REPS2: variants seen among roughly 807,000 people sequenced by gnomAD.
REPS2 encodes the protein ralBP1-associated Eps domain-containing protein 2.
REPS2 carries 23 observed loss-of-function variants against 53.6 expected under a neutral mutation model. That is an observed-to-expected ratio of 0.43 (90% CI 0.31 to 0.61). The LOEUF (loss-of-function observed/expected upper bound fraction) is 0.61, where lower values mean the gene tolerates loss of function less well. Among genes scored for constraint, REPS2 ranks in the 20% least tolerant of loss-of-function variants. REPS2 has a pLI of 0.11. For missense variants in REPS2, 446 were observed against 534.9 expected (o/e 0.83, Z 1.64); for synonymous variants, 238 against 218.6 (o/e 1.09, Z -0.78).
At position 17,149,094 on chromosome X, in the gene REPS2, G is replaced by C; in HGVS notation, c.*1613G>C. On this transcript the variant is annotated 3_prime_UTR_variant, in exon 18 of 18. Coordinates refer to ENST00000357277, the MANE Select transcript of REPS2 (RefSeq NM_004726.3). ...TTGAATCTATTCCGTGCATATTTAA[G>C]GATTTTGAATTGATTTTGAAAATCA... is the stretch of plus-strand genomic sequence containing the variant. The C allele has an allele frequency of 3.5e-6, 1 of 283,137 alleles. No homozygotes were observed. The highest frequency in any genetic ancestry group is 6.8e-6 in the Non-Finnish European group (1 of 147,432). 23.3% of individuals were successfully genotyped at this position (283,137 alleles called of 1,213,427 possible).
chrX:16,999,288 T>C (rs1320941681), intron 1 of REPS2, among the ~76,000 whole-genome samples: 2 of 111,549 alleles, frequency 1.8e-5, no homozygotes, highest in African/African-American at 6.5e-5. Context: ...GATCAAAAGG[T>C]AAATTGTAAT....
chrX:17,038,003 C>A (rs2061787200), intron 5 of REPS2, among the ~76,000 whole-genome samples: 1 of 111,710 alleles, frequency 9.0e-6, no homozygotes, highest in African/African-American at 3.3e-5. Context: ...GTCCTCCCAA[C>A]AATCTCACAA....
rs1045784139 is a variant in REPS2 at position 17,151,060 on chromosome X, G to C, written c.*3579G>C. 3 of 112,347 alleles carry C rather than the reference G, an allele frequency of 2.7e-5. No homozygotes were observed. Among genetic ancestry groups the C allele is most frequent in the Admixed American group, 9.5e-5 (1 of 10,546 alleles). The allele number at this position is 112,347 out of a possible 1,213,427, so 9.3% of individuals were successfully genotyped here. A position where few individuals can be genotyped will look rare whatever the true frequency, so the allele number is the denominator to read the frequency against. ...CTTTTATGATGCAATAAGTTACTCT[G>C]AGTTTCTTGGCAGAGTTTTTGACAG... On this transcript the variant is annotated 3_prime_UTR_variant, in exon 18 of 18. Transcript: ENST00000357277.
chrX:17,167,762 C>A, the REPS2 span, among the ~76,000 whole-genome samples: 1 of 109,309 alleles, frequency 9.1e-6, no homozygotes, highest in Non-Finnish European at 1.9e-5. Context: ...ACGCAGCCAA[C>A]AAAACTGACA....
At chrX:17,182,143 TA>T in the REPS2 span, among the ~76,000 whole-genome samples, 33 of 42,601 alleles carry the variant, frequency 7.7e-4, no homozygotes, top group Non-Finnish European at 7.2e-4. Context: ...TCTATCTGTC[TA>T]TCTATCTATC....
intron 13 of REPS2, among the ~76,000 whole-genome samples, chrX:17,101,268 T>C (rs2062796177): frequency 9.1e-6 from 1 of 109,559 alleles, no homozygotes. Context: ...TTCACTGTGT[T>C]AGCCAGGATG....
chrX:16,950,705 A>C (rs1360097252), intron 1 of REPS2, among the ~76,000 whole-genome samples: 1 of 112,732 alleles, frequency 8.9e-6, no homozygotes, highest in Non-Finnish European at 1.9e-5. Context: ...ATGTTTTTAC[A>C]CTTCAGAGTT....
chrX:17,175,374 A>C, the REPS2 span, among the ~76,000 whole-genome samples: 3 of 112,753 alleles, frequency 2.7e-5, no homozygotes, highest in South Asian at 3.7e-4. Flanking sequence ...ACAGATAAAG[A>C]AGCTGAGCCG....
chrX:17,068,206 C>T (rs923737125), intron 9 of REPS2, among the ~76,000 whole-genome samples, 196 bp from the exon 10 acceptor site: 2 of 109,322 alleles, frequency 1.8e-5, no homozygotes, highest in Non-Finnish European at 1.9e-5. Context: ...CCCAGCTACT[C>T]GGGAGGCTGA....
intron 2 of REPS2, among the ~76,000 whole-genome samples, chrX:17,013,377 C>T: frequency 9.0e-6 from 1 of 111,504 alleles, no homozygotes; most frequent in Middle Eastern, 4.7e-3. Flanking sequence ...GCATTGAGTC[C>T]TATTTCTGTG....
chrX:17,136,524 C>T (rs1375209119), intron 16 of REPS2: 2 of 111,724 alleles, frequency 1.8e-5, no homozygotes, highest in African/African-American at 6.5e-5. Context: ...ACTTTAATTT[C>T]AGCTTTATGT....
chrX:17,012,446 T>C (rs2061441602), intron 2 of REPS2, among the ~76,000 whole-genome samples: 1 of 111,983 alleles, frequency 8.9e-6, no homozygotes, highest in Non-Finnish European at 1.9e-5. Flanking sequence ...GTGACAAAGT[T>C]ACCGGTATTG....
rs565165269 is a variant in REPS2 at position 17,108,204 on chromosome X, G to A, written c.1578+4425G>A. On this transcript the variant is annotated intron_variant, in intron 14 of 17. Transcript: ENST00000357277. ...TTTTTTTTTTTTGAGATGGAGTTTC[G>A]CTCTTGTTGCCCAGGCTGGAGTGCA... is the stretch of plus-strand genomic sequence containing the variant. Among the ~76,000 whole-genome samples the A allele has an allele frequency of 2.9e-4, 31 of 105,191 alleles. No individual in the cohort carries two copies. In the South Asian group the frequency reaches 0.014, roughly 46 times the overall value. The allele number at this position is 105,191 out of a possible 115,157, so 91.3% of individuals were successfully genotyped here.
intron 1 of REPS2, among the ~76,000 whole-genome samples, chrX:17,001,775 C>T (rs965892088): frequency 2.7e-5 from 3 of 111,890 alleles, no homozygotes; most frequent in Non-Finnish European, 5.6e-5. Context: ...GGGGAAGCCT[C>T]AGAATCATGG....
At chrX:17,025,304 A>G in intron 4 of REPS2, 119 bp downstream of exon 4, 2 of 753,756 alleles carry the variant, frequency 2.7e-6, no homozygotes, top group South Asian at 3.8e-5. Flanking sequence ...GTCTTTGGAA[A>G]CATGGCTCAA....
intron 1 of REPS2, among the ~76,000 whole-genome samples, chrX:16,957,251 A>G (rs747964796): frequency 1.4e-3 from 151 of 110,795 alleles, no homozygotes; most frequent in African/African-American, 4.2e-3. Flanking sequence ...CTCTACAAAA[A>G]ATACAAAAAT....
chrX:17,086,468 C>A (rs2062538187), intron 13 of REPS2, among the ~76,000 whole-genome samples: 1 of 112,180 alleles, frequency 8.9e-6, no homozygotes, highest in South Asian at 3.7e-4. Context: ...TAACAACCGG[C>A]CACTTGCCAA....
intron 5 of REPS2, among the ~76,000 whole-genome samples, chrX:17,029,994 A>G (rs935310736): frequency 4.5e-5 from 5 of 111,906 alleles, no homozygotes. Flanking sequence ...TGCATAGTTA[A>G]CTGTTTTCCA....
chrX:17,068,895 C>T (rs776856239), intron 10 of REPS2, among the ~76,000 whole-genome samples: 1 of 112,503 alleles, frequency 8.9e-6, no homozygotes, highest in East Asian at 2.8e-4. Context: ...TAGTGTTTAT[C>T]TGTTTCTTGG....
Sources: gnomAD v4.1 joint callset for allele counts (sites outside exome capture counted in the v4.1 genomes callset) on GRCh38, gnomAD v4.1.1 for gene constraint, MANE v1.5 for transcripts, NCBI Gene and HGNC (gene_info 2026-07-23, HGNC 2026-07-21) for gene names.